Variants in VSTM2L observed in about 807,000 individuals in gnomAD.
VSTM2L encodes V-set and transmembrane domain containing 2 like.
A neutral mutation model predicts 19.9 loss-of-function variants in VSTM2L; 9 were observed. The ratio of observed to expected loss-of-function variants is 0.45; its 90% CI spans 0.27 to 0.79. The LOEUF is 0.79. Among genes scored for constraint, VSTM2L ranks in the 30% least tolerant of loss-of-function variants. The pLI is 0.15. For missense variants in VSTM2L, 286 were observed against 295.5 expected, an observed-to-expected ratio of 0.97 and a Z score of 0.24; for synonymous variants, 127 against 133.8, an observed-to-expected ratio of 0.95 and a Z score of 0.35.
intron 1 of VSTM2L, among the ~76,000 whole-genome samples, chr20:37,916,477 C>T (rs934154705): frequency 2.6e-5 from 4 of 152,256 alleles, no homozygotes; most frequent in Non-Finnish European, 5.9e-5. Context: ...TTTAGTTCTC[C>T]TTAAATCTCC....
rs570983223 is a variant in VSTM2L, at chr20:37,934,733, G to T, written c.342+1144G>T. Among the ~76,000 whole-genome samples the T allele has an allele frequency of 2.0e-5, 3 of 152,238 alleles. No homozygotes were observed. In the South Asian group the frequency reaches 6.2e-4, roughly 32 times the overall value. On this transcript the variant is annotated intron_variant, in intron 3 of 3. Transcript: ENST00000373461. ...AATGGGCACAGGGAGTCATTGGGGT[G>T]CCATGTCGGGCATCAGAGGTGGCAT...
intron 1 of VSTM2L, among the ~76,000 whole-genome samples, chr20:37,914,607 C>T (rs1345538910): frequency 6.6e-6 from 1 of 152,012 alleles, no homozygotes; most frequent in African/African-American, 2.4e-5. Flanking sequence ...GCCCCTCGTG[C>T]TCTCTTCCCG....
At chr20:37,923,316 T>C (rs1048997482) in intron 1 of VSTM2L, among the ~76,000 whole-genome samples, 14 of 152,118 alleles carry the variant, frequency 9.2e-5, no homozygotes, top group African/African-American at 3.1e-4. Context: ...CTCCTGCCTT[T>C]CCCAGAAGCC....
At chr20:37,924,761 G>T (rs1323520881) in intron 1 of VSTM2L, among the ~76,000 whole-genome samples, 1 of 152,072 alleles carries the variant, frequency 6.6e-6, no homozygotes, top group African/African-American at 2.4e-5. Flanking sequence ...CTCACTCAGA[G>T]TTAGGAGAGG....
At chr20:37,941,242 T>C (rs894446950) in intron 3 of VSTM2L, among the ~76,000 whole-genome samples, 1 of 151,914 alleles carries the variant, frequency 6.6e-6, no homozygotes, top group Non-Finnish European at 1.5e-5. Context: ...AACAGACAAA[T>C]ACACGGTTCA....
At chr20:37,917,968 G>A (rs988667334) in intron 1 of VSTM2L, among the ~76,000 whole-genome samples, 1 of 152,122 alleles carries the variant, frequency 6.6e-6, no homozygotes, top group Non-Finnish European at 1.5e-5. Context: ...TAACGTTCTT[G>A]TCCCATGTTT....
At chr20:37,903,672 T>C (rs2072735010) in intron 1 of VSTM2L, among the ~76,000 whole-genome samples, 1 of 151,934 alleles carries the variant, frequency 6.6e-6, no homozygotes. Flanking sequence ...CCGAACCTCC[T>C]CCCCACACAC....
At position 37,945,306 on chromosome 20, in the gene VSTM2L, A is replaced by G. The variant is rs2073002765; in HGVS notation, c.*1053A>G. On this transcript the variant is annotated 3_prime_UTR_variant, in exon 4 of 4. Transcript: ENST00000373461. Reference sequence around the variant, plus strand: ...GTGGGTTGCCCTGTATACATGATCCAGTCTGTGACTACCAGCCAACCTGAA... The same window carrying G: ...GTGGGTTGCCCTGTATACATGATCCGGTCTGTGACTACCAGCCAACCTGAA... 2 of 982,250 alleles carry G rather than the reference A, an allele frequency of 2.0e-6. No homozygotes were observed. Among genetic ancestry groups the G allele is most frequent in the African/African-American group, 1.7e-5 (1 of 57,146 alleles). 60.8% of individuals were successfully genotyped at this position (982,250 alleles called of 1,614,324 possible). A position where few individuals can be genotyped will look rare whatever the true frequency, so the allele number is the denominator to read the frequency against.
intron 3 of VSTM2L, among the ~76,000 whole-genome samples, chr20:37,936,333 A>G (rs2072940259): frequency 1.3e-5 from 2 of 152,198 alleles, no homozygotes; most frequent in Non-Finnish European, 2.9e-5. Flanking sequence ...CCTAGGCCCC[A>G]TATTCCCATG....
At chr20:37,917,847 T>G (rs969752893) in intron 1 of VSTM2L, among the ~76,000 whole-genome samples, 5 of 152,142 alleles carry the variant, frequency 3.3e-5, no homozygotes, top group African/African-American at 1.2e-4. Context: ...CGCAGGAGAG[T>G]AAACAGCTCT....
intron 1 of VSTM2L, among the ~76,000 whole-genome samples, chr20:37,930,460 C>T (rs2072901966): frequency 6.6e-6 from 1 of 151,914 alleles, no homozygotes. Context: ...GGGTGGGGGC[C>T]AGGGGATTGA....
chr20:37,916,060 G>T (rs2072816770), intron 1 of VSTM2L, among the ~76,000 whole-genome samples: 1 of 152,172 alleles, frequency 6.6e-6, no homozygotes, highest in Non-Finnish European at 1.5e-5. Flanking sequence ...AGCCTCCTTT[G>T]CTTCCCCCAC....
At chr20:37,910,144 G>C (rs1385529593) in intron 1 of VSTM2L, among the ~76,000 whole-genome samples, 1 of 152,236 alleles carries the variant, frequency 6.6e-6, no homozygotes, top group Non-Finnish European at 1.5e-5. Flanking sequence ...CATTTTAATA[G>C]TTAAGCATTT....
intron 1 of VSTM2L, among the ~76,000 whole-genome samples, chr20:37,912,594 G>C (rs577037196): frequency 1.3e-3 from 204 of 152,308 alleles, no homozygotes; most frequent in Middle Eastern, 6.8e-3. Context: ...GGCTGGGCTG[G>C]TGCCCTCTGC....
chr20:37,925,485 G>T (rs945750654), intron 1 of VSTM2L, among the ~76,000 whole-genome samples: 1 of 152,110 alleles, frequency 6.6e-6, no homozygotes, highest in Non-Finnish European at 1.5e-5. Flanking sequence ...CAATGCTCCC[G>T]GCACTTACCT....
At chr20:37,920,900 T>C (rs1380098042) in intron 1 of VSTM2L, among the ~76,000 whole-genome samples, 1 of 134,348 alleles carries the variant, frequency 7.4e-6, no homozygotes, top group Non-Finnish European at 1.6e-5. Flanking sequence ...CTCCCTTGAT[T>C]GATTGATTGA....
chr20:37,921,175 C>T (rs2072848680), intron 1 of VSTM2L, among the ~76,000 whole-genome samples: 1 of 152,206 alleles, frequency 6.6e-6, no homozygotes, highest in South Asian at 2.1e-4. Flanking sequence ...AGCAGGGCTT[C>T]CACCCTAGCC....
intron 1 of VSTM2L, among the ~76,000 whole-genome samples, chr20:37,921,142 C>T (rs1336667033): frequency 1.3e-5 from 2 of 152,192 alleles, no homozygotes; most frequent in African/African-American, 4.8e-5. Context: ...GAGAGGCAGC[C>T]TCGGAGACCT....
chr20:37,939,998 C>T (rs1285995479), intron 3 of VSTM2L, among the ~76,000 whole-genome samples: 1 of 152,120 alleles, frequency 6.6e-6, no homozygotes, highest in Non-Finnish European at 1.5e-5. Flanking sequence ...TCCAGGCCTT[C>T]GTGGCCCCAT....
Sources: allele counts gnomAD v4.1 joint callset (sites outside exome capture counted in the v4.1 genomes callset), GRCh38; gene constraint gnomAD v4.1.1; transcripts MANE v1.5; gene names NCBI Gene and HGNC (gene_info 2026-07-23, HGNC 2026-07-21).